ANO6: variants seen among roughly 807,000 people sequenced by gnomAD.
The protein encoded by ANO6 is anoctamin 6, also known as anoctamin-6.
ANO6 carries 106 observed loss-of-function variants against 117.5 expected under a neutral mutation model. The ratio of observed to expected loss-of-function variants is 0.90; its 90% CI spans 0.77 to 1.06. The LOEUF is 1.06. Ranked by LOEUF, ANO6 falls within the 50% of genes least tolerant of loss-of-function variation. The pLI is 0.00. For synonymous variants in ANO6, 367 were observed against 385.1 expected (o/e 0.95, Z 0.55); for missense variants, 955 against 1,121.1 (o/e 0.85, Z 2.12).
At chr12:45,277,125 C>T (rs961247092) in intron 1 of ANO6, among the ~76,000 whole-genome samples, 5 of 152,034 alleles carry the variant, frequency 3.3e-5, no homozygotes, top group Non-Finnish European at 5.9e-5. Context: ...CTACTCCAGC[C>T]CCCTTCCCTT....
At chr12:45,337,044 A>G (rs1940846539) in intron 3 of ANO6, among the ~76,000 whole-genome samples, 2 of 152,146 alleles carry the variant, frequency 1.3e-5, no homozygotes, top group South Asian at 2.1e-4. Flanking sequence ...AATTAAAGAT[A>G]GAAAAATATT....
At chr12:45,439,957 T>C (rs1375044589) in exon 20 of ANO6, 6 of 1,460,160 alleles carry the variant, frequency 4.1e-6, no homozygotes, top group Non-Finnish European at 5.4e-6. Context: ...AATAATTCAT[T>C]CAACAAATAT....
chr12:45,310,674 A>G (rs1489589777), intron 2 of ANO6, among the ~76,000 whole-genome samples: 1 of 152,118 alleles, frequency 6.6e-6, no homozygotes, highest in Non-Finnish European at 1.5e-5. Flanking sequence ...ATATTTTAGA[A>G]AGGAGTATAA....
rs186567596 is a variant in ANO6, at chr12:45,241,630, C to T, written c.70+25239C>T. Among the ~76,000 whole-genome samples, 246 of 152,304 alleles carry T rather than the reference C, an allele frequency of 1.6e-3. 1 individual carries two copies. Among genetic ancestry groups the T allele is most frequent in the African/African-American group, 5.5e-3 (228 of 41,564 alleles). On this transcript the variant is annotated intron_variant, in intron 1 of 19. Coordinates refer to ENST00000320560, the MANE Select transcript of ANO6 (RefSeq NM_001025356.3). ...CTGCGATCTTTTGGAGGAGAACAGG[C>T]GCTCTGGTTTTTAGAATTTTCAGCT...
chr12:45,349,903 C>T (rs1941237708), intron 6 of ANO6, among the ~76,000 whole-genome samples: 1 of 152,206 alleles, frequency 6.6e-6, no homozygotes, highest in Non-Finnish European at 1.5e-5. Context: ...GGTTCTCTAA[C>T]AGTTGACATT....
At chr12:45,377,524 G>GA (rs1174453233) in intron 9 of ANO6, among the ~76,000 whole-genome samples, 8 of 152,302 alleles carry the variant, frequency 5.3e-5, no homozygotes, top group Non-Finnish European at 1.2e-4. Context: ...TTGGGTTTAA[G>GA]AAAACAGAGT....
chr12:45,344,690 A>G (rs1256813284), intron 3 of ANO6, among the ~76,000 whole-genome samples: 1 of 152,176 alleles, frequency 6.6e-6, no homozygotes, highest in Admixed American at 6.6e-5. Flanking sequence ...TCGGGCATAT[A>G]CTGGTGAATG....
At chr12:45,266,531 T>C (rs1938220995) in intron 1 of ANO6, among the ~76,000 whole-genome samples, 1 of 152,200 alleles carries the variant, frequency 6.6e-6, no homozygotes, top group African/African-American at 2.4e-5. Flanking sequence ...ACACTTTCCC[T>C]TTTCTTAGTT....
At chr12:45,429,034 C>A in intron 19 of ANO6, 71 bp from the exon 20 acceptor site, 1 of 1,561,254 alleles carries the variant, frequency 6.4e-7, no homozygotes, top group Non-Finnish European at 8.7e-7. Context: ...TAATGACAAG[C>A]AAGAATGAAA....
intron 2 of ANO6, among the ~76,000 whole-genome samples, chr12:45,323,935 A>ATTTTTT (rs761870704): frequency 8.3e-5 from 9 of 108,326 alleles, no homozygotes; most frequent in East Asian, 2.6e-4. Flanking sequence ...TTGTTGTTGT[A>ATTTTTT]TTTTTTTTTT....
chr12:45,284,753 G>A (rs938957758), intron 1 of ANO6, among the ~76,000 whole-genome samples: 13 of 152,170 alleles, frequency 8.5e-5, no homozygotes, highest in African/African-American at 3.1e-4. Context: ...CATCCTGCAT[G>A]CCAAGTAAAT....
At chr12:45,409,638 G>T in intron 16 of ANO6, 151 bp downstream of exon 16, 1 of 948,682 alleles carries the variant, frequency 1.1e-6, no homozygotes, top group Non-Finnish European at 1.6e-6. Context: ...ATACAATCCA[G>T]CTTTCAGATA....
chr12:45,320,500 CTG>C, intron 2 of ANO6, among the ~76,000 whole-genome samples: 1 of 152,212 alleles, frequency 6.6e-6, no homozygotes, highest in African/African-American at 2.4e-5. Context: ...GTTATAATTT[CTG>C]TTCTTTTACA....
At chr12:45,356,249 T>G (rs1220906429) in intron 7 of ANO6, among the ~76,000 whole-genome samples, 1 of 152,156 alleles carries the variant, frequency 6.6e-6, no homozygotes, top group Non-Finnish European at 1.5e-5. Context: ...GATTCCTCAA[T>G]CATATGCATC....
intron 2 of ANO6, among the ~76,000 whole-genome samples, chr12:45,320,549 A>T (rs1275912299): frequency 6.6e-6 from 1 of 152,116 alleles, no homozygotes; most frequent in Non-Finnish European, 1.5e-5. Context: ...CTACGTGGTC[A>T]GTTTTGGAAT....
intron 8 of ANO6, among the ~76,000 whole-genome samples, chr12:45,365,118 C>T (rs1428121609): frequency 3.9e-5 from 6 of 152,332 alleles, no homozygotes; most frequent in Non-Finnish European, 7.4e-5. Flanking sequence ...CGTTTCTCTG[C>T]CTTTGCCTCA....
chr12:45,216,491 T>C, intron 1 of ANO6, 100 bp downstream of exon 1: 2 of 1,362,148 alleles, frequency 1.5e-6, no homozygotes, highest in Non-Finnish European at 2.0e-6. Context: ...CGGGGGAGGT[T>C]GGCCGAGACG....
At chr12:45,401,600 G>A (rs1253162116) in intron 12 of ANO6, among the ~76,000 whole-genome samples, 195 bp from the exon 13 acceptor site, 13 of 152,106 alleles carry the variant, frequency 8.5e-5, no homozygotes, top group South Asian at 8.3e-4. Context: ...ATGTGGATGC[G>A]CCTTCTTTTC....
chr12:45,372,591 A>G, intron 9 of ANO6, among the ~76,000 whole-genome samples: 1 of 147,920 alleles, frequency 6.8e-6, no homozygotes, highest in Admixed American at 6.8e-5. Context: ...TCAACCCAGA[A>G]TTTCATATCC....
Sources: gnomAD v4.1 joint callset for allele counts (sites outside exome capture counted in the v4.1 genomes callset) on GRCh38, gnomAD v4.1.1 for gene constraint, MANE v1.5 for transcripts, NCBI Gene and HGNC (gene_info 2026-07-23, HGNC 2026-07-21) for gene names.